The following SLC25A28 variants were observed in gnomAD, a reference collection of about 807,000 sequenced individuals.
SLC25A28 encodes the protein solute carrier family 25 member 28.
SLC25A28 carries 10 observed loss-of-function variants against 31.9 expected under a neutral mutation model. The observed-to-expected ratio is 0.31, with a 90% CI of 0.19 to 0.53. SLC25A28 has a LOEUF of 0.53. SLC25A28 is among the 20% of genes least tolerant of loss of function. SLC25A28 has a pLI of 0.95. For synonymous variants in SLC25A28, 208 were observed against 203.6 expected (o/e 1.02, Z -0.19); for missense variants, 256 against 490.3 (o/e 0.52, Z 4.51).
chr10:99,610,677 G>A lies in SLC25A28; in HGVS notation c.*172C>T, dbSNP rs2034499517. ...GTGCTTAGGGCCTGGAAGGAAAGGTGGTGGCAACAGAGGTTGGCAGGAACT... is the reference window on the plus strand; with the variant it reads ...GTGCTTAGGGCCTGGAAGGAAAGGTAGTGGCAACAGAGGTTGGCAGGAACT... On this transcript the variant is annotated 3_prime_UTR_variant, in exon 4 of 4. Coordinates refer to ENST00000370495, the MANE Select transcript of SLC25A28 (RefSeq NM_031212.4). 2 of 712,062 alleles carry A rather than the reference G, an allele frequency of 2.8e-6. No individual in the cohort carries two copies. Among genetic ancestry groups the A allele is most frequent in the Non-Finnish European group, 4.6e-6 (2 of 435,224 alleles). The allele number at this position is 712,062 out of a possible 1,614,324, so 44.1% of individuals were successfully genotyped here.
the SLC25A28 span, among the ~76,000 whole-genome samples, chr10:99,626,135 T>G: frequency 6.6e-6 from 1 of 152,224 alleles, no homozygotes; most frequent in Admixed American, 6.5e-5. Flanking sequence ...TTCTCTGAAC[T>G]GCCATCATAC....
chr10:99,632,529 G>A, the SLC25A28 span, among the ~76,000 whole-genome samples: 3 of 152,000 alleles, frequency 2.0e-5, no homozygotes, highest in African/African-American at 7.3e-5. Flanking sequence ...ACTATAGTTA[G>A]ACCTCAACAA....
chr10:99,625,283 G>A (rs1468730841), upstream of SLC25A28, among the ~76,000 whole-genome samples: 3 of 152,014 alleles, frequency 2.0e-5, no homozygotes, highest in Non-Finnish European at 4.4e-5. Flanking sequence ...CTGCTGGCTA[G>A]GGTGGCCAGC....
chr10:99,622,744 G>A (rs1026596997), upstream of SLC25A28: 1 of 980,652 alleles, frequency 1.0e-6, no homozygotes, highest in African/African-American at 1.7e-5. Context: ...ATGCTTCTTG[G>A]TCATCTTTAA....
chr10:99,624,136 G>C (rs2034838953), upstream of SLC25A28, among the ~76,000 whole-genome samples: 1 of 41,742 alleles, frequency 2.4e-5, no homozygotes, highest in African/African-American at 7.6e-5. Flanking sequence ...CTTCCTTCCT[G>C]TCTTCTCTTT....
chr10:99,653,693 C>G, the SLC25A28 span: 1 of 152,252 alleles, frequency 6.6e-6, no homozygotes, highest in Non-Finnish European at 1.5e-5. Context: ...CAGAGCTCCC[C>G]AAACCCAGTC....
At chr10:99,628,533 C>T in the SLC25A28 span, among the ~76,000 whole-genome samples, 6 of 152,178 alleles carry the variant, frequency 3.9e-5, no homozygotes, top group Non-Finnish European at 8.8e-5. Flanking sequence ...TAAGAAAAAA[C>T]ACAATCATTG....
At chr10:99,638,061 A>G in the SLC25A28 span, among the ~76,000 whole-genome samples, 402 of 152,362 alleles carry the variant, frequency 2.6e-3, 2 homozygotes, top group African/African-American at 9.1e-3. Flanking sequence ...AAAAGGCCAT[A>G]GTCACCAAAA....
chr10:99,642,608 T>C, the SLC25A28 span, among the ~76,000 whole-genome samples: 1 of 152,242 alleles, frequency 6.6e-6, no homozygotes, highest in South Asian at 2.1e-4. Context: ...CTGTGTTGAA[T>C]AGGAGTGGTG....
chr10:99,627,508 A>G, the SLC25A28 span, among the ~76,000 whole-genome samples: 1 of 150,814 alleles, frequency 6.6e-6, no homozygotes. Context: ...TAGCGTGATC[A>G]TGGCTCACTG....
At chr10:99,618,965 A>G (rs1264099482) in intron 1 of SLC25A28, 28 of 985,314 alleles carry the variant, frequency 2.8e-5, no homozygotes, top group Non-Finnish European at 3.4e-5. Flanking sequence ...TACCCTTCAC[A>G]TGTAAAGGAG....
chr10:99,618,020 G>C (rs1426117700), intron 1 of SLC25A28, among the ~76,000 whole-genome samples: 1 of 152,140 alleles, frequency 6.6e-6, no homozygotes, highest in East Asian at 1.9e-4. Context: ...TTGCTTTCCA[G>C]TCCCACCTTA....
intron 1 of SLC25A28, chr10:99,619,147 C>T (rs2034726382): frequency 2.0e-6 from 2 of 985,306 alleles, no homozygotes; most frequent in Admixed American, 1.2e-4. Context: ...CTTCAGTACA[C>T]ATAAATCATC....
chr10:99,645,719 T>G, the SLC25A28 span, among the ~76,000 whole-genome samples: 5 of 152,208 alleles, frequency 3.3e-5, no homozygotes, highest in African/African-American at 9.6e-5. Flanking sequence ...TTGATGATGG[T>G]GACGTACAGA....
chr10:99,642,353 A>G, the SLC25A28 span, among the ~76,000 whole-genome samples: 8 of 152,026 alleles, frequency 5.3e-5, no homozygotes, highest in African/African-American at 1.9e-4. Flanking sequence ...TTCACTCATG[A>G]TTTGGCTCTC....
chr10:99,654,859 C>T, the SLC25A28 span, among the ~76,000 whole-genome samples: 1 of 152,160 alleles, frequency 6.6e-6, no homozygotes, highest in Admixed American at 6.5e-5. Context: ...TAAGGCAAGC[C>T]TTTAAAGAGC....
the SLC25A28 span, among the ~76,000 whole-genome samples, chr10:99,647,348 G>C: frequency 6.6e-6 from 1 of 152,160 alleles, no homozygotes; most frequent in Non-Finnish European, 1.5e-5. Flanking sequence ...TTTAGTAATA[G>C]CCATTCTGAC....
At chr10:99,627,030 C>A in the SLC25A28 span, among the ~76,000 whole-genome samples, 1 of 152,018 alleles carries the variant, frequency 6.6e-6, no homozygotes, top group Admixed American at 6.5e-5. Flanking sequence ...CACTTAAGGC[C>A]AGGAGTTCGA....
upstream of SLC25A28, among the ~76,000 whole-genome samples, chr10:99,624,146 T>TC (rs1554962152): frequency 2.7e-5 from 4 of 147,486 alleles, no homozygotes; most frequent in African/African-American, 1.0e-4. Context: ...GTCTTCTCTT[T>TC]TTCTTTCTTT....
Sources: allele counts gnomAD v4.1 joint callset (sites outside exome capture counted in the v4.1 genomes callset), GRCh38; gene constraint gnomAD v4.1.1; transcripts MANE v1.5; gene names NCBI Gene and HGNC (gene_info 2026-07-23, HGNC 2026-07-21).